The following NBAS variants were observed in gnomAD, a reference collection of about 807,000 sequenced individuals.
The protein encoded by NBAS is NAG/BC035112 fusion.
NBAS carries 219 observed loss-of-function variants against 302.5 expected under a neutral mutation model. That is an observed-to-expected ratio of 0.72 (90% CI 0.65 to 0.81). NBAS has a LOEUF of 0.81. Among genes scored for constraint, NBAS ranks in the 30% least tolerant of loss-of-function variants. NBAS has a pLI of 0.00. For missense variants in NBAS, 2,932 were observed against 2,841.6 expected (o/e 1.03, Z -0.72); for synonymous variants, 1,118 against 1,021.6 (o/e 1.09, Z -1.80).
chr2:15,330,395 T>C (rs1266568543), intron 36 of NBAS, among the ~76,000 whole-genome samples: 2 of 152,214 alleles, frequency 1.3e-5, no homozygotes, highest in Non-Finnish European at 2.9e-5. Flanking sequence ...TCTCTATTAC[T>C]GTCCTTTGCA....
At chr2:15,052,055 T>C in the NBAS span, among the ~76,000 whole-genome samples, 2 of 152,238 alleles carry the variant, frequency 1.3e-5, no homozygotes, top group African/African-American at 2.4e-5. Context: ...TTCTTGACTA[T>C]GAGTATCTTG....
chr2:15,468,664 G>T, intron 16 of NBAS, 131 bp from the exon 17 acceptor site: 4 of 1,044,462 alleles, frequency 3.8e-6, no homozygotes, highest in East Asian at 2.5e-5. Context: ...ATAGGGAGCT[G>T]CTAGAGGAAC....
intron 6 of NBAS, among the ~76,000 whole-genome samples, chr2:15,546,665 T>G (rs1572999094): frequency 6.6e-6 from 1 of 152,078 alleles, no homozygotes; most frequent in African/African-American, 2.4e-5. Context: ...GAGGTGGAGG[T>G]TGCAGTGAGC....
the NBAS span, among the ~76,000 whole-genome samples, chr2:15,080,021 T>G: frequency 1.3e-5 from 2 of 152,158 alleles, no homozygotes; most frequent in Non-Finnish European, 2.9e-5. Context: ...CAGCCTACAA[T>G]CTGACCTTAT....
At chr2:14,996,937 A>T in the NBAS span, among the ~76,000 whole-genome samples, 1 of 152,190 alleles carries the variant, frequency 6.6e-6, no homozygotes, top group Non-Finnish European at 1.5e-5. Context: ...TTATCCAAAC[A>T]ACAGGAAAAT....
At chr2:15,016,486 TG>T in the NBAS span, among the ~76,000 whole-genome samples, 6 of 152,062 alleles carry the variant, frequency 3.9e-5, no homozygotes, top group Non-Finnish European at 8.8e-5. Context: ...TATAAAAGAA[TG>T]GAAAGATATG....
intron 51 of NBAS, among the ~76,000 whole-genome samples, chr2:15,169,562 T>C (rs1167937319): frequency 6.6e-6 from 1 of 152,190 alleles, no homozygotes; most frequent in African/African-American, 2.4e-5. Context: ...TCACCTCCTC[T>C]GACAGAGGCA....
chr2:15,178,575 C>A (rs975328497), intron 51 of NBAS, among the ~76,000 whole-genome samples: 2 of 152,182 alleles, frequency 1.3e-5, no homozygotes, highest in Non-Finnish European at 2.9e-5. Flanking sequence ...CACTGTCTTA[C>A]CTTTAATTAG....
intron 44 of NBAS, among the ~76,000 whole-genome samples, chr2:15,267,558 G>A (rs1287905880): frequency 6.6e-6 from 1 of 152,130 alleles, no homozygotes; most frequent in Non-Finnish European, 1.5e-5. Context: ...TTTCTGCTTA[G>A]GAATAGAAGC....
chr2:15,486,114 A>G (rs1680618073), intron 12 of NBAS, among the ~76,000 whole-genome samples: 1 of 152,146 alleles, frequency 6.6e-6, no homozygotes, highest in Non-Finnish European at 1.5e-5. Flanking sequence ...GGACAGAGCC[A>G]CAATGGGAAT....
At chr2:15,099,967 T>C in the NBAS span, among the ~76,000 whole-genome samples, 1 of 152,186 alleles carries the variant, frequency 6.6e-6, no homozygotes, top group East Asian at 1.9e-4. Flanking sequence ...TTAGAACACA[T>C]GTAGTACCAA....
the NBAS span, among the ~76,000 whole-genome samples, chr2:15,113,757 C>T: frequency 6.6e-6 from 1 of 151,920 alleles, no homozygotes; most frequent in Non-Finnish European, 1.5e-5. Context: ...GGAGTATTTG[C>T]TCTGCTCTTT....
chr2:15,138,061 G>GTCCAGCAAGTCCCTGTGGCAGC, the NBAS span, among the ~76,000 whole-genome samples: 1 of 152,104 alleles, frequency 6.6e-6, no homozygotes, highest in African/African-American at 2.4e-5. Flanking sequence ...TCACAGAATG[G>GTCCAGCAAGTCCCTGTGGCAGC]TCCAGCAAGT....
rs202221761 is a variant in NBAS at position 15,497,090 on chromosome 2, CTGAGA to C, written c.954+7050_954+7054del. Among the ~76,000 whole-genome samples the C allele has an allele frequency of 5.8e-3, 881 of 152,190 alleles. 8 individuals are homozygous for C. Among genetic ancestry groups the C allele is most frequent in the African/African-American group, 0.019 (792 of 41,532 alleles). On this transcript the variant is annotated intron_variant, in intron 11 of 51. Coordinates refer to ENST00000281513, the MANE Select transcript of NBAS (RefSeq NM_015909.4). Reference sequence around the variant, plus strand: ...AAAAGAACATGGCACCCTTGATGAGCTGAGATAAGGCCAACATAACTAAAAGAGAA... The same window carrying C: ...AAAAGAACATGGCACCCTTGATGAGCTAAGGCCAACATAACTAAAAGAGAA...
At chr2:15,157,567 T>C in the NBAS span, among the ~76,000 whole-genome samples, 1 of 152,162 alleles carries the variant, frequency 6.6e-6, no homozygotes, top group Non-Finnish European at 1.5e-5. Flanking sequence ...GGTCTTAAGA[T>C]ACTAACCAGG....
chr2:15,077,671 T>C, the NBAS span, among the ~76,000 whole-genome samples: 3 of 148,578 alleles, frequency 2.0e-5, no homozygotes, highest in South Asian at 6.3e-4. Context: ...TTCTTTCTTT[T>C]CTTTCTTTCT....
the NBAS span, among the ~76,000 whole-genome samples, chr2:15,055,508 G>A: frequency 3.3e-5 from 5 of 152,090 alleles, no homozygotes; most frequent in East Asian, 1.9e-4. Flanking sequence ...GCTGGGGGGC[G>A]GGGGGCTGGA....
chr2:15,347,528 A>G (rs991760748), intron 35 of NBAS, among the ~76,000 whole-genome samples: 1 of 152,242 alleles, frequency 6.6e-6, no homozygotes, highest in Non-Finnish European at 1.5e-5. Context: ...CTCTATACTT[A>G]GCCCATGCTC....
At chr2:15,401,213 T>G (rs1676136441) in intron 26 of NBAS, among the ~76,000 whole-genome samples, 1 of 152,126 alleles carries the variant, frequency 6.6e-6, no homozygotes, top group Non-Finnish European at 1.5e-5. Context: ...TTCACCTGAT[T>G]TCAGTACCAC....
Sources: allele counts gnomAD v4.1 joint callset (sites outside exome capture counted in the v4.1 genomes callset), GRCh38; gene constraint gnomAD v4.1.1; transcripts MANE v1.5; gene names NCBI Gene and HGNC (gene_info 2026-07-23, HGNC 2026-07-21).